The following WDR59 variants were observed in gnomAD, a reference collection of about 807,000 sequenced individuals.
WDR59 encodes the protein WD repeat domain 59.
In WDR59, 100 loss-of-function variants were observed where a neutral mutation model predicts 131.2. The observed-to-expected ratio is 0.76, with a 90% CI of 0.65 to 0.90. The LOEUF is 0.90. Among genes scored for constraint, WDR59 ranks in the 40% least tolerant of loss-of-function variants. The pLI, the probability that WDR59 is intolerant of heterozygous loss-of-function variation, is 0.00. For synonymous variants in WDR59, 601 were observed against 466.2 expected (o/e 1.29, Z -3.72); for missense variants, 1,203 against 1,262.2 (o/e 0.95, Z 0.71).
intron 8 of WDR59, among the ~76,000 whole-genome samples, chr16:74,937,454 T>G (rs1031886899): frequency 3.9e-5 from 6 of 152,198 alleles, no homozygotes; most frequent in Non-Finnish European, 7.3e-5. Flanking sequence ...TCTCCTTTAC[T>G]TATATCTGTC....
chr16:74,903,195 G>A (rs543299269), intron 18 of WDR59, among the ~76,000 whole-genome samples: 33 of 152,258 alleles, frequency 2.2e-4, no homozygotes, highest in South Asian at 1.7e-3. Flanking sequence ...CCCACTGAGC[G>A]AGAGATAACA....
At chr16:74,926,574 G>A (rs902983212) in intron 8 of WDR59, among the ~76,000 whole-genome samples, 1 of 152,154 alleles carries the variant, frequency 6.6e-6, no homozygotes, top group Non-Finnish European at 1.5e-5. Context: ...ATCCACACGT[G>A]TACTCTCACA....
In WDR59 at chr16:74,971,214, T is replaced by C. The variant is rs559879504; in HGVS notation, c.55-5392A>G. On this transcript the variant is annotated intron_variant, in intron 1 of 25. Transcript: ENST00000262144. ...ATCACCCACGAGTTTATCTAAACTT[T>C]TAAAGTTCATTCGTTTCGTTAATAC... is the stretch of plus-strand genomic sequence containing the variant. Among the ~76,000 whole-genome samples the C allele has an allele frequency of 1.5e-4, 23 of 152,262 alleles. 3 individuals carry two copies. Among genetic ancestry groups the C allele is most frequent in the South Asian group, 1.0e-3 (5 of 4,824 alleles).
At chr16:74,944,843 A>G (rs767545990) in intron 6 of WDR59, among the ~76,000 whole-genome samples, 7 of 152,150 alleles carry the variant, frequency 4.6e-5, no homozygotes, top group African/African-American at 9.6e-5. Context: ...TAAAAAAAGA[A>G]CCACTTTCAG....
chr16:74,932,100 A>T (rs971948846), intron 8 of WDR59, among the ~76,000 whole-genome samples: 3 of 150,408 alleles, frequency 2.0e-5, no homozygotes, highest in Admixed American at 6.7e-5. Flanking sequence ...TATTTTATTT[A>T]TTTATTTTTT....
chr16:74,874,083 TG>T lies in WDR59; in HGVS notation c.*125del. The T allele has an allele frequency of 1.3e-6, 1 of 780,154 alleles. No individual in the cohort carries two copies. The highest frequency in any genetic ancestry group is 2.1e-6 in the Non-Finnish European group (1 of 487,326). 48.3% of individuals were successfully genotyped at this position (780,154 alleles called of 1,614,324 possible). ...CCAAGAGCTGATGCTGCGCAGTCCT[TG>T]GGGGATCATCCTCCGGTCTCACTGG... On this transcript the variant is annotated 3_prime_UTR_variant, in exon 26 of 26. Transcript: ENST00000262144.
intron 11 of WDR59, among the ~76,000 whole-genome samples, chr16:74,917,426 A>C (rs1311568147): frequency 2.6e-5 from 4 of 152,194 alleles, no homozygotes; most frequent in Non-Finnish European, 5.9e-5. Context: ...TCTGGCCTTA[A>C]AGTGCTGAAT....
rs766233955 is a variant in WDR59 at position 74,874,259 on chromosome 16, C to A, written c.2875G>T (p.Val959Leu). 7.4e-6 allele frequency: 12 copies of A among 1,614,094 alleles called. No homozygotes were observed. In the African/African-American group the frequency reaches 1.2e-4, roughly 16 times the overall value. ...HMMEWFRTQE[V>L]CPTGCGCHCL... ...TGGCACCCACACCCGGTGGGACACA[C>A]CTCCTGGGTCCGAAACCACTCCATC... Residue 959 changes from valine (V) to leucine (L), a missense_variant, in exon 26 of 26, where the codon GTG becomes TTG. Transcript: ENST00000262144.
chr16:74,954,040 A>T (rs2033155507), intron 3 of WDR59, among the ~76,000 whole-genome samples: 1 of 151,616 alleles, frequency 6.6e-6, no homozygotes, highest in African/African-American at 2.4e-5. Flanking sequence ...TTGAATAGAC[A>T]TTTCTCCAAA....
intron 2 of WDR59, chr16:74,959,454 T>A (rs1041007158): frequency 1.2e-4 from 50 of 432,966 alleles, no homozygotes; most frequent in South Asian, 8.1e-4. Context: ...GGATAGGGAC[T>A]AATGCAACAG....
intron 13 of WDR59, 123 bp downstream of exon 13, chr16:74,915,747 C>T (rs1966337112): frequency 1.4e-6 from 2 of 1,444,914 alleles, no homozygotes; most frequent in African/African-American, 2.8e-5. Flanking sequence ...AATAAAAAAG[C>T]AAGCAGAGAG....
chr16:74,877,999 T>C (rs1354117256), intron 25 of WDR59, among the ~76,000 whole-genome samples: 1 of 151,864 alleles, frequency 6.6e-6, no homozygotes, highest in African/African-American at 2.4e-5. Flanking sequence ...GCTCTCACTC[T>C]CTACTATAAA....
chr16:74,953,041 C>A (rs895444285), intron 3 of WDR59, among the ~76,000 whole-genome samples: 1 of 152,068 alleles, frequency 6.6e-6, no homozygotes, highest in Non-Finnish European at 1.5e-5. Context: ...TCCCAGCACA[C>A]GACACAGCGG....
At chr16:74,944,121 C>A (rs371291754) in intron 6 of WDR59, among the ~76,000 whole-genome samples, 43 of 152,242 alleles carry the variant, frequency 2.8e-4, no homozygotes, top group African/African-American at 1.0e-3. Context: ...AACTCGAGGG[C>A]TCCCAAGGGA....
At position 74,915,985 on chromosome 16, in the gene WDR59, T is replaced by C; in HGVS notation, c.1109A>G (p.Glu370Gly). The change falls in exon 13 of 26, where the codon GAA (glutamate) becomes GGA (glycine). Residue 370 changes from glutamate to glycine, a missense_variant. Physicochemically the swap from Glu to Gly is moderately conservative, Grantham distance 98. Coordinates refer to ENST00000262144, the MANE Select transcript of WDR59 (RefSeq NM_030581.4). ...ASHGEEEALK[E>G]DPPRNLLEER... ...TTCCAGGAGATTTCTAGGGGGATCT[T>C]CTTTTAGGGCTAGCAGGAGAGAGAA... The C allele has an allele frequency of 6.2e-7, 1 of 1,614,178 alleles. No individual in the cohort carries two copies. Among genetic ancestry groups the C allele is most frequent in the African/African-American group, 1.3e-5 (1 of 75,048 alleles).
Position 74,874,236 on chromosome 16 carries a change from G to A in WDR59, c.2898C>T (p.Cys966=). 2 of 1,614,034 alleles carry A rather than the reference G, an allele frequency of 1.2e-6. No individual in the cohort carries two copies. The highest frequency in any genetic ancestry group is 8.5e-7 in the Non-Finnish European group (1 of 1,179,968). ...TQEVCPTGCG[C]HCLLESTF is the part of the protein sequence containing the mutation. ...AGAAAGTGCTTTCAAGCAGGCAGTG[G>A]CACCCACACCCGGTGGGACACACCT... The change falls in exon 26 of 26, where the codon TGC becomes TGT. Residue 966 remains cysteine (C), a synonymous_variant. Transcript: ENST00000262144.
intron 6 of WDR59, among the ~76,000 whole-genome samples, chr16:74,945,121 C>T (rs2032520294): frequency 6.6e-6 from 1 of 151,576 alleles, no homozygotes; most frequent in South Asian, 2.1e-4. Flanking sequence ...AAGACTCCAT[C>T]TCAAATAAAA....
At chr16:74,921,757 G>C (rs1196917389) in intron 10 of WDR59, among the ~76,000 whole-genome samples, 190 bp downstream of exon 10, 1 of 128,660 alleles carries the variant, frequency 7.8e-6, no homozygotes, top group Non-Finnish European at 1.8e-5. Flanking sequence ...GACAGAATTT[G>C]GAAGAGTAAC....
intron 2 of WDR59, among the ~76,000 whole-genome samples, chr16:74,960,737 G>C (rs1351660081): frequency 8.2e-6 from 1 of 122,106 alleles, no homozygotes; most frequent in African/African-American, 3.2e-5. Flanking sequence ...GACAGAGCAA[G>C]ATTCCGTCTC....
Sources: gnomAD v4.1 joint callset for allele counts (sites outside exome capture counted in the v4.1 genomes callset) on GRCh38, gnomAD v4.1.1 for gene constraint, MANE v1.5 for transcripts, NCBI Gene and HGNC (gene_info 2026-07-23, HGNC 2026-07-21) for gene names.